Variants in PDGFD observed in about 807,000 individuals in gnomAD.
The protein encoded by PDGFD is platelet derived growth factor D, also known as platelet-derived growth factor D.
Under a neutral mutation model 44.7 loss-of-function variants are expected in PDGFD, and 30 were observed. The ratio of observed to expected loss-of-function variants is 0.67; its 90% CI spans 0.50 to 0.91. PDGFD has a LOEUF of 0.91. Ranked by LOEUF, PDGFD falls within the 40% of genes least tolerant of loss-of-function variation. PDGFD has a pLI of 0.00. For missense variants in PDGFD, 445 were observed against 457.8 expected, an observed-to-expected ratio of 0.97 and a Z score of 0.25; for synonymous variants, 173 against 168.4, an observed-to-expected ratio of 1.03 and a Z score of -0.21.
At chr11:103,964,231 C>A (rs1457951798) in intron 3 of PDGFD, among the ~76,000 whole-genome samples, 2 of 151,924 alleles carry the variant, frequency 1.3e-5, no homozygotes, top group Non-Finnish European at 2.9e-5. Context: ...ATAGCTTGTC[C>A]CAGAAGGGAA....
At chr11:104,057,016 T>A (rs975852084) in intron 1 of PDGFD, among the ~76,000 whole-genome samples, 1 of 152,062 alleles carries the variant, frequency 6.6e-6, no homozygotes, top group Non-Finnish European at 1.5e-5. Context: ...CAGTCCCAGC[T>A]ACTCGGGAGG....
chr11:104,031,687 T>C (rs1360802324), intron 1 of PDGFD, among the ~76,000 whole-genome samples: 1 of 152,206 alleles, frequency 6.6e-6, no homozygotes, highest in Non-Finnish European at 1.5e-5. Context: ...TAAAGATATA[T>C]GCACATGTAT....
chr11:103,912,092 G>A (rs9666110), intron 6 of PDGFD, among the ~76,000 whole-genome samples: 69,541 of 151,782 alleles, frequency 0.46, 16,028 homozygotes, highest in South Asian at 0.49. Flanking sequence ...CCATCTATCA[G>A]GGCAGGCCAA....
intron 3 of PDGFD, among the ~76,000 whole-genome samples, chr11:103,958,994 A>G (rs942584165): frequency 6.6e-6 from 1 of 152,206 alleles, no homozygotes; most frequent in African/African-American, 2.4e-5. Context: ...GCCACAGTCA[A>G]CACAGCTGGT....
chr11:104,017,123 A>G (rs968002597), intron 1 of PDGFD, among the ~76,000 whole-genome samples: 2 of 152,202 alleles, frequency 1.3e-5, no homozygotes, highest in Non-Finnish European at 2.9e-5. Flanking sequence ...ACTGTCTACC[A>G]TGTGAGGACA....
intron 1 of PDGFD, among the ~76,000 whole-genome samples, chr11:104,119,197 T>C (rs866973611): frequency 4.1e-3 from 27 of 6,582 alleles, no homozygotes; most frequent in East Asian, 0.011. Context: ...ATTGATATAA[T>C]ATATAATATA....
Position 104,156,999 on chromosome 11 carries a change from T to C in PDGFD, c.124+6805A>G, listed in dbSNP as rs535162942. Among the ~76,000 whole-genome samples, 7 of 152,292 alleles carry C rather than the reference T, an allele frequency of 4.6e-5. No homozygotes were observed. In the East Asian group the frequency reaches 7.7e-4, roughly 17 times the overall value. ...CTTTTTGCTGAAACCATCCCTCACA[T>C]AGAAGTGTAAAAATGCTCCCTTTTA... On this transcript the variant is annotated intron_variant, in intron 1 of 6. Coordinates refer to ENST00000393158, the MANE Select transcript of PDGFD (RefSeq NM_025208.5).
chr11:103,931,050 A>G (rs1395788741), intron 5 of PDGFD, among the ~76,000 whole-genome samples: 1 of 152,176 alleles, frequency 6.6e-6, no homozygotes, highest in Admixed American at 6.5e-5. Context: ...AGTGGGAACA[A>G]ATGCCAGGAT....
At chr11:103,940,984 T>C (rs2134321139) in intron 5 of PDGFD, among the ~76,000 whole-genome samples, 1 of 152,242 alleles carries the variant, frequency 6.6e-6, no homozygotes, top group East Asian at 1.9e-4. Context: ...ACTTTAGAAA[T>C]AGGCTAACAC....
chr11:104,146,386 A>G (rs756419786), intron 1 of PDGFD, among the ~76,000 whole-genome samples: 1 of 152,188 alleles, frequency 6.6e-6, no homozygotes, highest in Non-Finnish European at 1.5e-5. Context: ...GATGTTTCAT[A>G]TTAGACTAGA....
chr11:104,130,563 G>A (rs1217572509), intron 1 of PDGFD, among the ~76,000 whole-genome samples: 1 of 152,142 alleles, frequency 6.6e-6, no homozygotes, highest in Non-Finnish European at 1.5e-5. Context: ...AACAGAAGAT[G>A]AAATGTCCTT....
chr11:103,954,825 C>T (rs75883279), intron 3 of PDGFD, among the ~76,000 whole-genome samples: 6,538 of 152,158 alleles, frequency 0.043, 197 homozygotes, highest in Middle Eastern at 0.061. Flanking sequence ...AAAGAAACAC[C>T]TCTAAGCATT....
intron 6 of PDGFD, among the ~76,000 whole-genome samples, chr11:103,912,502 C>T (rs1242276770): frequency 6.6e-6 from 1 of 152,212 alleles, no homozygotes; most frequent in Non-Finnish European, 1.5e-5. Flanking sequence ...AAAGGAACAA[C>T]TGGTACCAGC....
At chr11:103,938,836 C>G (rs940086720) in intron 5 of PDGFD, among the ~76,000 whole-genome samples, 3 of 152,068 alleles carry the variant, frequency 2.0e-5, no homozygotes, top group Non-Finnish European at 2.9e-5. Flanking sequence ...GCTTGTTTTT[C>G]TCAGGTTTGT....
chr11:103,931,993 T>A (rs1478631537), intron 5 of PDGFD, among the ~76,000 whole-genome samples: 1 of 152,198 alleles, frequency 6.6e-6, no homozygotes, highest in Admixed American at 6.5e-5. Flanking sequence ...TTTTGCTTTC[T>A]CTGGCATCTC....
At position 103,907,691 on chromosome 11, in the gene PDGFD, T is replaced by C. The variant is rs1475869163; in HGVS notation, c.*2003A>G. ...CACTCTCATTTTTTATATTTACAGC[T>C]ACATTGTGAGCTGTTCAGGTTAGAG... On this transcript the variant is annotated 3_prime_UTR_variant, in exon 7 of 7. Coordinates refer to ENST00000393158, the MANE Select transcript of PDGFD (RefSeq NM_025208.5). 1 of 152,226 alleles carries C rather than the reference T, an allele frequency of 6.6e-6. No individual in the cohort carries two copies. The highest frequency in any genetic ancestry group is 2.4e-5 in the African/African-American group (1 of 41,456). The allele number at this position is 152,226 out of a possible 1,614,324, so 9.4% of individuals were successfully genotyped here.
At chr11:104,096,027 A>G (rs934867197) in intron 1 of PDGFD, among the ~76,000 whole-genome samples, 1 of 152,214 alleles carries the variant, frequency 6.6e-6, no homozygotes, top group Non-Finnish European at 1.5e-5. Flanking sequence ...GTGCCTAAAC[A>G]TATTCCCAAG....
At chr11:104,039,276 A>ATT in intron 1 of PDGFD, 1 of 160,924 alleles carries the variant, frequency 6.2e-6, no homozygotes. Context: ...TCACCTAATA[A>ATT]TTTTTTTTTT....
intron 1 of PDGFD, among the ~76,000 whole-genome samples, chr11:104,052,578 A>G (rs1225681611): frequency 6.6e-6 from 1 of 152,146 alleles, no homozygotes; most frequent in South Asian, 2.1e-4. Flanking sequence ...ATGAATTGCG[A>G]TAAGCATAAA....
Sources: gnomAD v4.1 joint callset for allele counts (sites outside exome capture counted in the v4.1 genomes callset) on GRCh38, gnomAD v4.1.1 for gene constraint, MANE v1.5 for transcripts, NCBI Gene and HGNC (gene_info 2026-07-23, HGNC 2026-07-21) for gene names.